Variants in PDE8A observed in about 807,000 individuals in gnomAD.
The protein encoded by PDE8A is phosphodiesterase 8A, also known as high affinity cAMP-specific and IBMX-insensitive 3',5'-cyclic phosphodiesterase 8A.
PDE8A carries 59 observed loss-of-function variants against 105.0 expected under a neutral mutation model. That is an observed-to-expected ratio of 0.56 (90% confidence interval 0.46 to 0.70). The LOEUF is 0.70. PDE8A is among the 30% of genes least tolerant of loss of function. The pLI is 0.00. For synonymous variants in PDE8A, 355 were observed against 371.9 expected, an observed-to-expected ratio of 0.95 and a Z score of 0.52; for missense variants, 1,014 against 1,045.9, an observed-to-expected ratio of 0.97 and a Z score of 0.42.
At chr15:85,118,115 T>C (rs2082124690) in intron 17 of PDE8A, among the ~76,000 whole-genome samples, 1 of 152,162 alleles carries the variant, frequency 6.6e-6, no homozygotes, top group Non-Finnish European at 1.5e-5. Flanking sequence ...GCTATTCTTC[T>C]GGGGGTCTCA....
chr15:84,999,512 G>C (rs768676351), intron 1 of PDE8A, among the ~76,000 whole-genome samples: 4 of 152,154 alleles, frequency 2.6e-5, no homozygotes, highest in Non-Finnish European at 5.9e-5. Flanking sequence ...CTGGACACTT[G>C]CTGGTAATGT....
intron 6 of PDE8A, among the ~76,000 whole-genome samples, chr15:85,085,131 A>G (rs1052046447): frequency 1.3e-5 from 2 of 152,128 alleles, no homozygotes; most frequent in African/African-American, 4.8e-5. Context: ...ATGAAGTCCA[A>G]ACTCCAAAAT....
chr15:85,065,736 C>T (rs935729469), intron 2 of PDE8A, among the ~76,000 whole-genome samples: 3 of 152,234 alleles, frequency 2.0e-5, no homozygotes, highest in Non-Finnish European at 2.9e-5. Flanking sequence ...CCACTGTTGC[C>T]CCATTTTCAG....
chr15:85,129,956 C>T (rs2082308391), intron 20 of PDE8A, among the ~76,000 whole-genome samples: 1 of 152,102 alleles, frequency 6.6e-6, no homozygotes, highest in Admixed American at 6.6e-5. Flanking sequence ...GTATATTAGT[C>T]CATTTGCATT....
chr15:85,048,823 G>C (rs1050490534), intron 1 of PDE8A, among the ~76,000 whole-genome samples: 1 of 152,144 alleles, frequency 6.6e-6, no homozygotes, highest in Non-Finnish European at 1.5e-5. Flanking sequence ...AAACAAAGCC[G>C]GGCGCGGTGG....
chr15:84,986,615 CTT>C (rs10714340), intron 1 of PDE8A, among the ~76,000 whole-genome samples: 145 of 145,634 alleles, frequency 1.0e-3, no homozygotes, highest in Non-Finnish European at 1.2e-3. Flanking sequence ...TTAGTCAAAA[CTT>C]TTTTTTTTTT....
intron 20 of PDE8A, among the ~76,000 whole-genome samples, chr15:85,127,442 T>C (rs980550245): frequency 3.9e-5 from 6 of 152,182 alleles, no homozygotes; most frequent in African/African-American, 1.4e-4. Context: ...CAAACAATTA[T>C]TAGCACTAAT....
rs369909523 is a variant in PDE8A at position 85,056,064 on chromosome 15, A to G, written c.187-8306A>G. Among the ~76,000 whole-genome samples, 8 of 152,182 alleles carry G rather than the reference A, an allele frequency of 5.3e-5. No individual in the cohort carries two copies. The East Asian group carries it at 9.7e-4, about 18-fold the overall frequency. ...AAAGGATTTTATTTCTCCTTCACTTATGAAGCTTAGTTTGGCTGGATATGA... is the reference window on the plus strand; with the variant it reads ...AAAGGATTTTATTTCTCCTTCACTTGTGAAGCTTAGTTTGGCTGGATATGA... On this transcript the variant is annotated intron_variant, in intron 1 of 21. Transcript: ENST00000394553.
chr15:84,990,847 A>G (rs2079875033), intron 1 of PDE8A, among the ~76,000 whole-genome samples: 1 of 152,236 alleles, frequency 6.6e-6, no homozygotes, highest in Admixed American at 6.5e-5. Context: ...ACTCATGCCA[A>G]CAATGTATAA....
At chr15:85,009,108 AGAGTGT>A (rs1185077340) in intron 1 of PDE8A, among the ~76,000 whole-genome samples, 11,097 of 41,706 alleles carry the variant, frequency 0.27, 464 homozygotes, top group Middle Eastern at 0.34. Flanking sequence ...AGAGAGAGAG[AGAGTGT>A]GTGTGTGTGT....
chr15:84,990,614 C>CTTATCTA (rs574839452), intron 1 of PDE8A, among the ~76,000 whole-genome samples: 199 of 152,274 alleles, frequency 1.3e-3, no homozygotes, highest in African/African-American at 4.6e-3. Flanking sequence ...CCACAGTTCA[C>CTTATCTA]TTATCTATTC....
chr15:85,089,225 T>C, intron 6 of PDE8A, 113 bp from the exon 7 acceptor site: 1 of 663,252 alleles, frequency 1.5e-6, no homozygotes. Context: ...TTTTAAAATA[T>C]TTTCTCCCTT....
intron 21 of PDE8A, 134 bp from the exon 22 acceptor site, chr15:85,137,663 T>G (rs1596555661): frequency 1.6e-6 from 1 of 612,768 alleles, no homozygotes; most frequent in South Asian, 2.0e-5. Context: ...AGCTGCTGGG[T>G]GTGTTTGCCC....
At chr15:85,010,971 T>G (rs557700750) in intron 1 of PDE8A, among the ~76,000 whole-genome samples, 1 of 152,308 alleles carries the variant, frequency 6.6e-6, no homozygotes, top group African/African-American at 2.4e-5. Flanking sequence ...GTCAAGTCTA[T>G]TTTAAGTCTG....
At chr15:85,133,651 G>A (rs927217389) in intron 20 of PDE8A, among the ~76,000 whole-genome samples, 3 of 152,140 alleles carry the variant, frequency 2.0e-5, no homozygotes, top group African/African-American at 7.2e-5. Context: ...ATGAGGACTT[G>A]GAGCTTCCTA....
At chr15:85,117,531 C>T in intron 16 of PDE8A, 110 bp from the exon 17 acceptor site, 2 of 883,656 alleles carry the variant, frequency 2.3e-6, no homozygotes, top group Non-Finnish European at 1.8e-6. Flanking sequence ...GCAATCTCCA[C>T]TTTGCTGCCC....
At chr15:85,098,067 C>T in intron 9 of PDE8A, 31 bp downstream of exon 9, 1 of 1,248,980 alleles carries the variant, frequency 8.0e-7, no homozygotes. Flanking sequence ...CATCAATCAA[C>T]ATACAGTGTT....
At chr15:85,031,134 T>C (rs2080608569) in intron 1 of PDE8A, among the ~76,000 whole-genome samples, 1 of 152,206 alleles carries the variant, frequency 6.6e-6, no homozygotes, top group South Asian at 2.1e-4. Context: ...TAGAAGATTA[T>C]AAATTATAAA....
intron 1 of PDE8A, among the ~76,000 whole-genome samples, chr15:85,021,889 G>A (rs2080432936): frequency 6.6e-6 from 1 of 152,184 alleles, no homozygotes; most frequent in South Asian, 2.1e-4. Flanking sequence ...CCTCCTTACT[G>A]CATCATATCA....
Sources: gnomAD v4.1 joint callset for allele counts (sites outside exome capture counted in the v4.1 genomes callset) on GRCh38, gnomAD v4.1.1 for gene constraint, MANE v1.5 for transcripts, NCBI Gene and HGNC (gene_info 2026-07-23, HGNC 2026-07-21) for gene names.